Variants in ANK1 observed in about 807,000 individuals in gnomAD.
The protein encoded by ANK1 is ankyrin 1, also known as ankyrin-1.
A neutral mutation model predicts 210.4 loss-of-function variants in ANK1; 51 were observed. That is an observed-to-expected ratio of 0.24 (90% CI 0.19 to 0.31). The LOEUF is 0.31. Ranked by LOEUF, ANK1 falls within the 10% of genes least tolerant of loss-of-function variation. The pLI is 1.00. For synonymous variants in ANK1, 967 were observed against 1,025.9 expected, an observed-to-expected ratio of 0.94 and a Z score of 1.10; for missense variants, 2,051 against 2,504.4, an observed-to-expected ratio of 0.82 and a Z score of 3.86.
chr8:41,736,143 T>C (rs1833351862), intron 2 of ANK1, among the ~76,000 whole-genome samples: 1 of 151,996 alleles, frequency 6.6e-6, no homozygotes, highest in Admixed American at 6.5e-5. Context: ...CCAGTCTGGG[T>C]AATAGAGAGG....
chr8:41,692,028 T>G (rs1431399988), intron 31 of ANK1, among the ~76,000 whole-genome samples: 1 of 151,734 alleles, frequency 6.6e-6, no homozygotes, highest in African/African-American at 2.4e-5. Context: ...TTTTGTTTCC[T>G]GCCCCCACCA....
intron 31 of ANK1, among the ~76,000 whole-genome samples, chr8:41,691,523 T>C (rs775864523): frequency 3.9e-5 from 6 of 152,192 alleles, no homozygotes; most frequent in Non-Finnish European, 8.8e-5. Flanking sequence ...ATTAGATCAC[T>C]GCTGGCTTAC....
chr8:41,667,214 T>A (rs1810850322), intron 39 of ANK1, among the ~76,000 whole-genome samples: 1 of 152,168 alleles, frequency 6.6e-6, no homozygotes, highest in African/African-American at 2.4e-5. Context: ...AAAACCTGAC[T>A]GAATTCCTAG....
At position 41,696,778 on chromosome 8, in the gene ANK1, G is replaced by A. The variant is rs763432238; in HGVS notation, c.2638-5C>T. ...CTCATCATACTCTTTAGATGCCTGA[G>A]GAGAGAGAAAGGGTCCTCCTGTCCC... is the stretch of plus-strand genomic sequence containing the variant. On this transcript the variant is annotated splice_region_variant and splice_polypyrimidine_tract_variant and intron_variant, in intron 24 of 42. Transcript: ENST00000289734. 8.1e-6 allele frequency: 13 copies of A among 1,599,048 alleles called. No individual in the cohort carries two copies. In the South Asian group the frequency reaches 1.2e-4, roughly 15 times the overall value.
At chr8:41,789,376 C>T (rs1847127397) in intron 1 of ANK1, 1 of 152,194 alleles carries the variant, frequency 6.6e-6, no homozygotes, top group Non-Finnish European at 1.5e-5. Flanking sequence ...TCACAGCAAC[C>T]CCAGGGCAAC....
intron 2 of ANK1, among the ~76,000 whole-genome samples, chr8:41,736,605 G>T (rs1833488651): frequency 1.3e-5 from 2 of 152,264 alleles, no homozygotes; most frequent in Non-Finnish European, 2.9e-5. Context: ...CCTCGGTGCT[G>T]ACGGCTGGGG....
rs148147917 is a variant in ANK1 at position 41,779,151 on chromosome 8, T to C, written c.27+18361A>G. ...CCCAGGCTGTGACAGGTAAGCTCCA[T>C]GCAGTGGGAGACCACTCTAGTGCCC... On this transcript the variant is annotated intron_variant, in intron 1 of 42. Transcript: ENST00000289734. Among the ~76,000 whole-genome samples, 7 of 152,286 alleles carry C rather than the reference T, an allele frequency of 4.6e-5. No homozygotes were observed. In the East Asian group the frequency reaches 1.4e-3, roughly 29 times the overall value.
At chr8:41,795,511 A>T (rs1391383114) in intron 1 of ANK1, among the ~76,000 whole-genome samples, 1 of 151,994 alleles carries the variant, frequency 6.6e-6, no homozygotes, top group Non-Finnish European at 1.5e-5. Context: ...TCTGTCTTAA[A>T]AATAATAATA....
chr8:41,787,005 T>A (rs1311589193), intron 1 of ANK1, among the ~76,000 whole-genome samples: 1 of 152,238 alleles, frequency 6.6e-6, no homozygotes, highest in Non-Finnish European at 1.5e-5. Context: ...AGAGTGGGTG[T>A]CCAGTGGTCA....
intron 1 of ANK1, among the ~76,000 whole-genome samples, chr8:41,822,928 G>C (rs1485677133): frequency 6.6e-6 from 1 of 152,242 alleles, no homozygotes; most frequent in Non-Finnish European, 1.5e-5. Context: ...GGGGCGCTCC[G>C]TGTGTGCCTC....
intron 8 of ANK1, 24 bp from the exon 9 acceptor site, chr8:41,723,247 A>G: frequency 6.2e-7 from 1 of 1,613,066 alleles, no homozygotes; most frequent in Non-Finnish European, 8.5e-7. Flanking sequence ...AGTCAAAAAC[A>G]GAAAGCCCAA....
intron 22 of ANK1, among the ~76,000 whole-genome samples, chr8:41,699,856 G>A (rs1822212418): frequency 6.6e-6 from 1 of 152,212 alleles, no homozygotes; most frequent in South Asian, 2.1e-4. Flanking sequence ...GCTGTGCAAT[G>A]GCACCAAAGA....
intron 31 of ANK1, among the ~76,000 whole-genome samples, chr8:41,692,248 G>A (rs1331009321): frequency 6.6e-6 from 1 of 152,084 alleles, no homozygotes; most frequent in Non-Finnish European, 1.5e-5. Flanking sequence ...GTAGAGACAG[G>A]GTTTCACCAT....
intron 1 of ANK1, among the ~76,000 whole-genome samples, chr8:41,803,089 GAAA>G (rs1850373373): frequency 0.019 from 841 of 43,200 alleles, 27 homozygotes; most frequent in African/African-American, 0.056. Context: ...GGAAGGGAAG[GAAA>G]GGAAAGGAAA....
At chr8:41,822,733 G>A (rs1480210510) in intron 1 of ANK1, among the ~76,000 whole-genome samples, 1 of 152,184 alleles carries the variant, frequency 6.6e-6, no homozygotes, top group Non-Finnish European at 1.5e-5. Flanking sequence ...GAGGGTCACA[G>A]GCCTCCAGAG....
intron 1 of ANK1, among the ~76,000 whole-genome samples, chr8:41,812,660 G>A (rs979708799): frequency 6.6e-6 from 1 of 152,218 alleles, no homozygotes; most frequent in Non-Finnish European, 1.5e-5. Context: ...CCAGAGAATA[G>A]CGGTCCCCAA....
In ANK1 at chr8:41,701,641, G is replaced by C. The variant is rs1189042216; in HGVS notation, c.2389-19C>G. The C allele has an allele frequency of 3.1e-6, 5 of 1,612,902 alleles. No individual in the cohort carries two copies. The South Asian group carries it at 4.4e-5, about 14-fold the overall frequency. On this transcript the variant is annotated intron_variant, in intron 21 of 42. Transcript: ENST00000289734. The stretch of plus-strand genomic sequence containing the variant: ...TGACTAACTAAAACGAGAAAAAGCA[G>C]ATAATTCAACCCAAACTAGAGCCGC...
In ANK1 at chr8:41,838,908, C is replaced by T. The variant is rs188418399; in HGVS notation, c.126+57447G>A. On this transcript the variant is annotated intron_variant, in intron 1 of 42. Coordinates refer to the ANK1 transcript ENST00000265709. ...CCTGGCCAACATGGTGAAACCCTGC[C>T]TCTACTAAAAGTACAAAAATTAGTA... 3.3e-3 allele frequency among the ~76,000 whole-genome samples: 497 copies of T among 152,134 alleles called. 3 individuals are homozygous for T. The highest frequency in any genetic ancestry group is 0.011 in the African/African-American group (464 of 41,478).
chr8:41,884,737 T>C (rs962205501), intron 1 of ANK1, among the ~76,000 whole-genome samples: 4 of 151,800 alleles, frequency 2.6e-5, no homozygotes, highest in Non-Finnish European at 5.9e-5. Context: ...GAGGCTGTGT[T>C]GGGAGGATCG....
Sources: allele counts gnomAD v4.1 joint callset (sites outside exome capture counted in the v4.1 genomes callset), GRCh38; gene constraint gnomAD v4.1.1; transcripts MANE v1.5; gene names NCBI Gene and HGNC (gene_info 2026-07-23, HGNC 2026-07-21).